Variants in KATNAL2 observed in about 807,000 individuals in gnomAD.
KATNAL2 encodes katanin catalytic subunit A1 like 2.
A neutral mutation model predicts 76.3 loss-of-function variants in KATNAL2; 52 were observed. That is an observed-to-expected ratio of 0.68 (90% CI 0.55 to 0.86). The LOEUF (loss-of-function observed/expected upper bound fraction) is 0.86, where lower values mean the gene tolerates loss of function less well. Ranked by LOEUF, KATNAL2 falls within the 40% of genes least tolerant of loss-of-function variation. The pLI, the probability that KATNAL2 is intolerant of heterozygous loss-of-function variation, is 0.00. For synonymous variants in KATNAL2, 243 were observed against 244.2 expected (o/e 1.00, Z 0.05); for missense variants, 660 against 668.9 (o/e 0.99, Z 0.15).
At chr18:46,953,400 G>A (rs2059626296) in intron 3 of KATNAL2, among the ~76,000 whole-genome samples, 1 of 152,186 alleles carries the variant, frequency 6.6e-6, no homozygotes. Flanking sequence ...AACACTTTGG[G>A]AGGCCAAGGC....
At chr18:47,052,729 G>C (rs1187925999) in intron 4 of KATNAL2, 151 bp from the exon 5 acceptor site, 1 of 484,096 alleles carries the variant, frequency 2.1e-6, no homozygotes, top group African/African-American at 2.0e-5. Flanking sequence ...GCTCTTTATA[G>C]GCAAACCTCC....
intron 3 of KATNAL2, among the ~76,000 whole-genome samples, chr18:47,031,827 A>G (rs1292966037): frequency 6.6e-6 from 1 of 152,112 alleles, no homozygotes; most frequent in African/African-American, 2.4e-5. Context: ...CTTTTCCCAG[A>G]AAGAATGCTT....
intron 3 of KATNAL2, among the ~76,000 whole-genome samples, chr18:47,041,831 C>T (rs917221719): frequency 6.6e-6 from 1 of 152,232 alleles, no homozygotes; most frequent in African/African-American, 2.4e-5. Context: ...TTGCATCCCA[C>T]CAGCAATCAG....
At chr18:47,045,515 G>A (rs1211348296) in intron 3 of KATNAL2, among the ~76,000 whole-genome samples, 1 of 151,864 alleles carries the variant, frequency 6.6e-6, no homozygotes, top group African/African-American at 2.4e-5. Context: ...TAGAGATGGG[G>A]TTTTCCCATG....
intron 1 of KATNAL2, among the ~76,000 whole-genome samples, chr18:46,918,511 A>G (rs1441073391): frequency 3.9e-5 from 6 of 151,926 alleles, no homozygotes; most frequent in Non-Finnish European, 7.4e-5. Flanking sequence ...CTGGAGTGCA[A>G]TGGCACGATC....
chr18:46,936,772 C>T (rs900831107), intron 1 of KATNAL2, among the ~76,000 whole-genome samples: 6 of 151,932 alleles, frequency 3.9e-5, no homozygotes, highest in Non-Finnish European at 5.9e-5. Context: ...GCCAACATGG[C>T]GAAACCCCAT....
At chr18:47,050,339 AT>A (rs1377303789) in intron 4 of KATNAL2, among the ~76,000 whole-genome samples, 2 of 152,180 alleles carry the variant, frequency 1.3e-5, no homozygotes, top group African/African-American at 4.8e-5. Context: ...AGTAAATGTT[AT>A]TTGCATAGCC....
At position 47,059,771 on chromosome 18, in the gene KATNAL2, T is replaced by C. The variant is rs750808789; in HGVS notation, c.549+117T>C. ...AAAGTTAAGATGTGATTTTTGAAGG[T>C]TGGCTGTGAGGTAAATGGAGAAGAG... On this transcript the variant is annotated intron_variant, in intron 8 of 17. Coordinates refer to ENST00000683218, the MANE Select transcript of KATNAL2 (RefSeq NM_001387690.1). 1.3e-5 allele frequency: 10 copies of C among 758,258 alleles called. No homozygotes were observed. In the East Asian group the frequency reaches 1.4e-4, roughly 10 times the overall value. 47.0% of individuals were successfully genotyped at this position (758,258 alleles called of 1,614,324 possible). A position where few individuals can be genotyped will look rare whatever the true frequency, so the allele number is the denominator to read the frequency against.
At chr18:46,920,298 C>G (rs925071368) in intron 1 of KATNAL2, 2 of 337,664 alleles carry the variant, frequency 5.9e-6, no homozygotes, top group Admixed American at 7.1e-5. Context: ...AGTGTGGACC[C>G]GTGCCCTAAG....
At chr18:46,952,841 C>T (rs1233988177) in intron 3 of KATNAL2, among the ~76,000 whole-genome samples, 1 of 150,238 alleles carries the variant, frequency 6.7e-6, no homozygotes, top group Non-Finnish European at 1.5e-5. Flanking sequence ...TGTTTCCTTC[C>T]TCCCTTCTCT....
At chr18:46,922,680 C>T (rs1395654478) in intron 1 of KATNAL2, among the ~76,000 whole-genome samples, 1 of 151,648 alleles carries the variant, frequency 6.6e-6, no homozygotes, top group Non-Finnish European at 1.5e-5. Context: ...GCCTGTAATC[C>T]TAGCAACTTG....
chr18:47,043,461 A>T (rs914448264), intron 3 of KATNAL2, among the ~76,000 whole-genome samples: 3 of 152,160 alleles, frequency 2.0e-5, no homozygotes, highest in Non-Finnish European at 2.9e-5. Flanking sequence ...ATTTACGAAG[A>T]AAAGAGGTTT....
chr18:46,940,085 T>C (rs2187091), intron 1 of KATNAL2, among the ~76,000 whole-genome samples: 67,943 of 152,058 alleles, frequency 0.45, 15,269 homozygotes, highest in Middle Eastern at 0.52. Context: ...ATTTTGCATA[T>C]GAAGAAACAA....
intron 3 of KATNAL2, among the ~76,000 whole-genome samples, chr18:47,041,293 C>T (rs1376524035): frequency 1.3e-5 from 2 of 152,116 alleles, no homozygotes; most frequent in East Asian, 3.9e-4. Context: ...TGATGCCTAT[C>T]GGTTACTATA....
intron 15 of KATNAL2, among the ~76,000 whole-genome samples, chr18:47,097,431 T>C (rs1484045771): frequency 2.0e-5 from 3 of 152,192 alleles, no homozygotes; most frequent in African/African-American, 7.2e-5. Context: ...CACATCATCA[T>C]CTATGCAATA....
chr18:47,068,971 C>T (rs1255744966), intron 11 of KATNAL2, among the ~76,000 whole-genome samples: 1 of 152,156 alleles, frequency 6.6e-6, no homozygotes, highest in Non-Finnish European at 1.5e-5. Flanking sequence ...ATATACCTTT[C>T]CTTCCAAAAA....
chr18:46,957,249 CTTTTTTTTTT>C (rs1223846865), intron 3 of KATNAL2, among the ~76,000 whole-genome samples: 2 of 73,914 alleles, frequency 2.7e-5, no homozygotes, highest in East Asian at 3.8e-4. Context: ...TTGCCCTCTT[CTTTTTTTTTT>C]TTTTTTTTTT....
intron 1 of KATNAL2, chr18:46,920,197 T>G: frequency 1.8e-6 from 1 of 551,488 alleles, no homozygotes; most frequent in East Asian, 6.8e-5. Flanking sequence ...CATTAAGGAC[T>G]GTTATGTCAT....
At chr18:46,934,489 G>A (rs949876847) in intron 1 of KATNAL2, among the ~76,000 whole-genome samples, 6 of 152,126 alleles carry the variant, frequency 3.9e-5, no homozygotes, top group Non-Finnish European at 7.3e-5. Flanking sequence ...ACTTTTTGAT[G>A]GGGTTGTTTG....
Sources: allele counts gnomAD v4.1 joint callset (sites outside exome capture counted in the v4.1 genomes callset), GRCh38; gene constraint gnomAD v4.1.1; transcripts MANE v1.5; gene names NCBI Gene and HGNC (gene_info 2026-07-23, HGNC 2026-07-21).